The following IL3RA variants were observed in gnomAD, a reference collection of about 807,000 sequenced individuals.
IL3RA encodes interleukin 3 receptor subunit alpha, also known as interleukin-3 receptor subunit alpha.
In IL3RA, 73 loss-of-function variants were observed where a neutral mutation model predicts 52.3. The ratio of observed to expected loss-of-function variants is 1.40; its 90% confidence interval spans 1.16 to 1.70. The LOEUF is 1.70. IL3RA is among the 40% of genes most tolerant of loss of function. The pLI is 0.00. For synonymous variants in IL3RA, 260 were observed against 194.0 expected (o/e 1.34, Z -2.83); for missense variants, 664 against 504.4 (o/e 1.32, Z -3.03).
At chrX:1,356,487 AGGCCGGGCGCTGT>A (rs1476211073) in intron 7 of IL3RA, 151 bp downstream of exon 7, 1 of 626,826 alleles carries the variant, frequency 1.6e-6, no homozygotes, top group African/African-American at 1.9e-5. Flanking sequence ...CAAAAACAAA[AGGCCGGGCGCTGT>A]GGCTCACGCC....
intron 8 of IL3RA, among the ~76,000 whole-genome samples, chrX:1,362,301 CTG>C (rs1335697057): frequency 6.6e-5 from 10 of 151,970 alleles, no homozygotes; most frequent in Non-Finnish European, 1.3e-4. Context: ...TCTCCCCTCT[CTG>C]TGTCTCTTTG....
At chrX:1,357,211 C>T (rs1435471304) in intron 7 of IL3RA, among the ~76,000 whole-genome samples, 10 of 152,120 alleles carry the variant, frequency 6.6e-5, no homozygotes, top group African/African-American at 2.2e-4. Context: ...GCCTCGGCCT[C>T]CCAAAGTGCT....
At position 1,356,222 on chromosome X, in the gene IL3RA, G is replaced by C. The variant is rs752273070; in HGVS notation, c.618G>C (p.Glu206Asp). Residue 206 changes from glutamate (E) to aspartate (D), a missense_variant and splice_region_variant, in exon 7 of 12, where the codon GAG becomes GAC. Physicochemically the swap from Glu to Asp is conservative, Grantham distance 45. Transcript: ENST00000331035. Reference protein sequence around the residue: ...TDKFVVFSQIEILTPPNMTAK... With the variant: ...TDKFVVFSQIDILTPPNMTAK... ...TAAAAGTGTTTTTCTCGTTGCTAGA[G>C]ATATTAACTCCACCCAACATGACTG... 2.6e-5 allele frequency: 41 copies of C among 1,582,100 alleles called. No homozygotes were observed. The highest frequency in any genetic ancestry group is 3.3e-5 in the Non-Finnish European group (38 of 1,152,784).
intron 8 of IL3RA, among the ~76,000 whole-genome samples, chrX:1,361,667 C>T (rs1234782850): frequency 2.7e-5 from 4 of 148,124 alleles, no homozygotes; most frequent in African/African-American, 7.5e-5. Flanking sequence ...GCAGGAGAAT[C>T]GCTTGAACCC....
At chrX:1,344,026 C>A (rs149843769) in intron 2 of IL3RA, among the ~76,000 whole-genome samples, 7 of 152,078 alleles carry the variant, frequency 4.6e-5, no homozygotes, top group African/African-American at 1.7e-4. Context: ...GATCACTTGA[C>A]CTGGTGATCC....
At chrX:1,345,468 AT>A in intron 3 of IL3RA, 34 bp downstream of exon 3, 2 of 1,324,184 alleles carry the variant, frequency 1.5e-6, no homozygotes, top group South Asian at 1.5e-5. Flanking sequence ...TTTTATTTTT[AT>A]TTTATTTATT....
intron 8 of IL3RA, among the ~76,000 whole-genome samples, chrX:1,360,484 G>C (rs1446535751): frequency 2.8e-5 from 4 of 145,410 alleles, no homozygotes; most frequent in Admixed American, 6.8e-5. Context: ...CAGTCTCTCT[G>C]TATCTCTGTA....
rs755675088 is a variant in IL3RA at position 1,362,029 on chromosome X, CCT to C, written c.760-3102_760-3101del. ...TCCTCTCTGTCTCTGTTTTTCTTTCCCTCTCTCTGTCTCTTTGTATCTCTGTC... is the reference window on the plus strand; with the variant it reads ...TCCTCTCTGTCTCTGTTTTTCTTTCCCTCTCTGTCTCTTTGTATCTCTGTC... On this transcript the variant is annotated intron_variant, in intron 8 of 11. Coordinates refer to ENST00000331035, the MANE Select transcript of IL3RA (RefSeq NM_002183.4). Among the ~76,000 whole-genome samples the C allele has an allele frequency of 4.0e-5, 6 of 151,652 alleles. No individual in the cohort carries two copies. The South Asian group carries it at 8.4e-4, about 21-fold the overall frequency.
At chrX:1,348,714 T>C (rs1206859938) in intron 4 of IL3RA, among the ~76,000 whole-genome samples, 169 bp downstream of exon 4, 1 of 86,940 alleles carries the variant, frequency 1.2e-5, no homozygotes, top group African/African-American at 6.8e-5. Context: ...CTGTTTCTGT[T>C]TCTTTCTTCC....
chrX:1,354,612 G>A lies in IL3RA; in HGVS notation c.617-1609G>A, dbSNP rs189095759. 4.2e-3 allele frequency among the ~76,000 whole-genome samples: 362 copies of A among 85,608 alleles called. 4 individuals are homozygous for A. Among genetic ancestry groups the A allele is most frequent in the African/African-American group, 0.016 (331 of 20,734 alleles). 56.2% of individuals were successfully genotyped at this position (85,608 alleles called of 152,430 possible). A position where few individuals can be genotyped will look rare whatever the true frequency, so the allele number is the denominator to read the frequency against. ...AGAAAGAGGAGGGGGAGGAGGAGGA[G>A]GAAGAGAAAATGGAGAAAGAGGAGG... On this transcript the variant is annotated intron_variant, in intron 6 of 11. Transcript: ENST00000331035.
chrX:1,366,265 G>A (rs2088021282), intron 9 of IL3RA, among the ~76,000 whole-genome samples: 1 of 52,710 alleles, frequency 1.9e-5, no homozygotes, highest in Non-Finnish European at 3.3e-5. Flanking sequence ...GGGTGCGCGG[G>A]GTGAGCCGGG....
At chrX:1,344,233 A>G (rs1242239888) in intron 2 of IL3RA, among the ~76,000 whole-genome samples, 2 of 152,030 alleles carry the variant, frequency 1.3e-5, no homozygotes, top group African/African-American at 4.8e-5. Context: ...TGGGAGTTCG[A>G]GACCAGCCTG....
chrX:1,356,507 C>G (rs1345838734), intron 7 of IL3RA, among the ~76,000 whole-genome samples, 171 bp downstream of exon 7: 1 of 152,128 alleles, frequency 6.6e-6, no homozygotes, highest in Non-Finnish European at 1.5e-5. Flanking sequence ...CTGTGGCTCA[C>G]GCCTGTCATC....
chrX:1,347,844 C>A (rs2085823677), intron 3 of IL3RA, among the ~76,000 whole-genome samples: 1 of 150,200 alleles, frequency 6.7e-6, no homozygotes, highest in Non-Finnish European at 1.5e-5. Context: ...CGAGACCCTC[C>A]TGGCTAACAC....
At position 1,378,786 on chromosome X, in the gene IL3RA, C is replaced by G. The variant is rs189346459; in HGVS notation, c.980+22C>G. On this transcript the variant is annotated intron_variant, in intron 10 of 11. Transcript: ENST00000331035. ...GAAGGTGAGCCCTCGAGGGCGTCCGCGAGCGTCGCTTGTTTCCAGTGTGAC... is the reference window on the plus strand; with the variant it reads ...GAAGGTGAGCCCTCGAGGGCGTCCGGGAGCGTCGCTTGTTTCCAGTGTGAC... 21 of 1,595,816 alleles carry G rather than the reference C, an allele frequency of 1.3e-5. No individual in the cohort carries two copies. In the East Asian group the frequency reaches 4.7e-4, roughly 36 times the overall value.
At chrX:1,354,021 C>A (rs774151225) in intron 6 of IL3RA, among the ~76,000 whole-genome samples, 2 of 137,978 alleles carry the variant, frequency 1.4e-5, no homozygotes, top group East Asian at 4.2e-4. Context: ...GTCATGGAAT[C>A]CCTCATCATG....
At chrX:1,356,747 G>C (rs1289555076) in intron 7 of IL3RA, among the ~76,000 whole-genome samples, 1 of 151,506 alleles carries the variant, frequency 6.6e-6, no homozygotes, top group Non-Finnish European at 1.5e-5. Flanking sequence ...ACTCCAGCCT[G>C]GGCGACAGAG....
chrX:1,356,349 C>T lies in IL3RA; in HGVS notation c.732+13C>T. Reference sequence around the variant, plus strand: ...TCAGATACAAAAGGTAAACTTTCACCCCGCCCCCAGCCCCCCCACCCCCGT... The same window carrying T: ...TCAGATACAAAAGGTAAACTTTCACTCCGCCCCCAGCCCCCCCACCCCCGT... On this transcript the variant is annotated intron_variant, in intron 7 of 11. Coordinates refer to ENST00000331035, the MANE Select transcript of IL3RA (RefSeq NM_002183.4). 6.4e-7 allele frequency: 1 copy of T among 1,565,760 alleles called. No homozygotes were observed. The highest frequency in any genetic ancestry group is 8.8e-7 in the Non-Finnish European group (1 of 1,137,920).
At chrX:1,343,096 G>T (rs17882651) in intron 2 of IL3RA, among the ~76,000 whole-genome samples, 12 of 151,840 alleles carry the variant, frequency 7.9e-5, no homozygotes, top group African/African-American at 2.7e-4. Context: ...ATGAATGAAT[G>T]AATTTCTTAT....
Sources: gnomAD v4.1 joint callset for allele counts (sites outside exome capture counted in the v4.1 genomes callset) on GRCh38, gnomAD v4.1.1 for gene constraint, MANE v1.5 for transcripts, NCBI Gene and HGNC (gene_info 2026-07-23, HGNC 2026-07-21) for gene names.